The following GK variants were observed in gnomAD, a reference collection of about 807,000 sequenced individuals.
The protein encoded by GK is glycerol kinase.
GK carries 9 observed loss-of-function variants against 56.4 expected under a neutral mutation model. The ratio of observed to expected loss-of-function variants is 0.16; its 90% CI spans 0.10 to 0.28. The LOEUF is 0.28. Among genes scored for constraint, GK ranks in the 10% least tolerant of loss-of-function variants. GK has a pLI of 1.00. For synonymous variants in GK, 104 were observed against 144.1 expected, an observed-to-expected ratio of 0.72 and a Z score of 1.99; for missense variants, 161 against 431.4, an observed-to-expected ratio of 0.37 and a Z score of 5.55.
intron 4 of GK, 87 bp from the exon 5 acceptor site, chrX:30,691,036 C>A: frequency 1.9e-6 from 1 of 531,542 alleles, no homozygotes; most frequent in Admixed American, 2.8e-5. Flanking sequence ...AGAAACTAAT[C>A]AGTCTTTTAT....
At chrX:30,677,922 G>A (rs770632117) in intron 4 of GK, 1 of 516,228 alleles carries the variant, frequency 1.9e-6, no homozygotes, top group Non-Finnish European at 3.5e-6. Context: ...ATTAACTGTT[G>A]TATATTTACC....
chrX:30,717,610 G>T (rs1322324023), intron 13 of GK, among the ~76,000 whole-genome samples: 1 of 111,366 alleles, frequency 9.0e-6, no homozygotes, highest in Non-Finnish European at 1.9e-5. Flanking sequence ...CTTTCACTTT[G>T]CATAATGTTT....
rs1935626583 is a variant in GK, at chrX:30,701,049, A to T, written c.851+144A>T. ...AATATGCATATATACACTTTTTACCATTTTTTTATATCTTTAAATAAAATA... is the reference window on the plus strand; with the variant it reads ...AATATGCATATATACACTTTTTACCTTTTTTTTATATCTTTAAATAAAATA... On this transcript the variant is annotated intron_variant, in intron 11 of 20. Coordinates refer to ENST00000427190, the MANE Select transcript of GK (RefSeq NM_001205019.2). 1.7e-5 allele frequency: 8 copies of T among 479,163 alleles called. 1 individual carries two copies. The highest frequency in any genetic ancestry group is 9.7e-5 in the Admixed American group (3 of 30,879). 39.5% of individuals were successfully genotyped at this position (479,163 alleles called of 1,213,427 possible). A position where few individuals can be genotyped will look rare whatever the true frequency, so the allele number is the denominator to read the frequency against.
intron 18 of GK, chrX:30,721,249 A>G (rs1601951771): frequency 5.1e-6 from 2 of 390,696 alleles, no homozygotes; most frequent in Non-Finnish European, 4.5e-6. Flanking sequence ...CCTTTAGTGT[A>G]GGATAATAAT....
At chrX:30,661,644 C>G (rs1482204039) in intron 1 of GK, among the ~76,000 whole-genome samples, 1 of 111,133 alleles carries the variant, frequency 9.0e-6, no homozygotes, top group Non-Finnish European at 1.9e-5. Context: ...TTCTCAGACC[C>G]TCATAATTCT....
At chrX:30,702,276 A>G (rs1935722259) in intron 11 of GK, among the ~76,000 whole-genome samples, 1 of 111,900 alleles carries the variant, frequency 8.9e-6, no homozygotes, top group Non-Finnish European at 1.9e-5. Flanking sequence ...TCCTGACCTC[A>G]GGTGATCTGC....
At chrX:30,664,108 G>C (rs1220045981) in intron 1 of GK, among the ~76,000 whole-genome samples, 136 of 40,751 alleles carry the variant, frequency 3.3e-3, no homozygotes, top group African/African-American at 0.012. Flanking sequence ...ATATTTTATA[G>C]ATATATATTT....
intron 4 of GK, chrX:30,689,451 T>G (rs1468414402): frequency 3.1e-6 from 1 of 325,781 alleles, no homozygotes. Flanking sequence ...AGGGGGCAGT[T>G]CTTTTGCTCT....
In GK at chrX:30,730,873, A is replaced by G. The variant is rs1937318373; in HGVS notation, c.*2131A>G. On this transcript the variant is annotated 3_prime_UTR_variant, in exon 21 of 21. Transcript: ENST00000427190. ...GGCACACTCTGAAGAGTTAACCAAC[A>G]GCCAAAGAAGTAATTTCTGTAATGA... The G allele has an allele frequency of 8.9e-6, 1 of 111,962 alleles. No individual in the cohort carries two copies. Among genetic ancestry groups the G allele is most frequent in the South Asian group, 3.7e-4 (1 of 2,731 alleles). The allele number at this position is 111,962 out of a possible 1,213,427, so 9.2% of individuals were successfully genotyped here.
intron 11 of GK, among the ~76,000 whole-genome samples, chrX:30,704,128 T>TATA (rs1935848542): frequency 1.3e-5 from 1 of 74,936 alleles, no homozygotes; most frequent in African/African-American, 7.1e-5. Flanking sequence ...GTTATTCATT[T>TATA]TATATATATA....
At chrX:30,653,636 G>A (rs1328731826) in intron 1 of GK, 21 bp downstream of exon 1, 1 of 1,172,435 alleles carries the variant, frequency 8.5e-7, no homozygotes, top group Non-Finnish European at 1.2e-6. Flanking sequence ...GGTGACATGT[G>A]AAGAGGCGCT....
chrX:30,720,940 C>T lies in GK; in HGVS notation c.1446C>T (p.Pro482=), dbSNP rs747393509. 4.1e-6 allele frequency: 5 copies of T among 1,209,021 alleles called. No homozygotes were observed. The highest frequency in any genetic ancestry group is 2.3e-4 in the Middle Eastern group (1 of 4,374). The change falls in exon 18 of 21, where the codon CCC becomes CCT. Residue 482 remains proline, a synonymous_variant. Coordinates refer to ENST00000427190, the MANE Select transcript of GK (RefSeq NM_001205019.2). ...GAGTCGGCGTATGGAGTCTCGAACC[C>T]GAGGATTTGTCTGCCGTCACGATGG... ...AEGVGVWSLE[P]EDLSAVTMER... is the part of the protein sequence containing the mutation.
At chrX:30,689,444 G>C (rs759237540) in intron 4 of GK, 1 of 322,593 alleles carries the variant, frequency 3.1e-6, no homozygotes, top group African/African-American at 2.7e-5. Flanking sequence ...TTAAAGCAGG[G>C]GGCAGTTCTT....
intron 4 of GK, among the ~76,000 whole-genome samples, chrX:30,683,542 G>C (rs764237423): frequency 1.8e-5 from 2 of 111,415 alleles, no homozygotes; most frequent in Non-Finnish European, 3.8e-5. Flanking sequence ...TGGTGGCCAC[G>C]GCATAGGCTT....
intron 4 of GK, among the ~76,000 whole-genome samples, chrX:30,689,077 AT>A (rs1332340848): frequency 8.9e-6 from 1 of 112,492 alleles, no homozygotes; most frequent in African/African-American, 3.2e-5. Context: ...TCCTATTTCA[AT>A]TTTTAAAGTA....
intron 1 of GK, among the ~76,000 whole-genome samples, chrX:30,653,897 G>A (rs1451289240): frequency 8.9e-6 from 1 of 112,692 alleles, no homozygotes; most frequent in Non-Finnish European, 1.9e-5. Context: ...AAGGGAGCAG[G>A]GACTCTCCGA....
intron 1 of GK, among the ~76,000 whole-genome samples, chrX:30,655,817 A>G (rs1200090919): frequency 8.9e-6 from 1 of 111,929 alleles, no homozygotes; most frequent in Non-Finnish European, 1.9e-5. Context: ...AATGAAGAAG[A>G]ACTTGATCAA....
At chrX:30,698,914 C>G (rs1209835842) in intron 9 of GK, among the ~76,000 whole-genome samples, 1 of 105,124 alleles carries the variant, frequency 9.5e-6, no homozygotes, top group African/African-American at 3.4e-5. Context: ...TTGAATTAAC[C>G]AGAAAACAAG....
chrX:30,675,519 CTT>C (rs752900168), intron 3 of GK, among the ~76,000 whole-genome samples: 28 of 90,129 alleles, frequency 3.1e-4, no homozygotes, highest in Admixed American at 3.7e-4. Context: ...TTTTATTCTT[CTT>C]TTTTTTTTTT....
Sources: gnomAD v4.1 joint callset for allele counts (sites outside exome capture counted in the v4.1 genomes callset) on GRCh38, gnomAD v4.1.1 for gene constraint, MANE v1.5 for transcripts, NCBI Gene and HGNC (gene_info 2026-07-23, HGNC 2026-07-21) for gene names.